Variants in ACAD11 observed in about 807,000 individuals in gnomAD.
ACAD11 encodes acyl-CoA dehydrogenase family member 11, also known as acyl-Coenzyme A dehydrogenase family, member 11.
Under a neutral mutation model 102.2 loss-of-function variants are expected in ACAD11, and 83 were observed. That is an observed-to-expected ratio of 0.81 (90% CI 0.68 to 0.97). ACAD11 has a LOEUF of 0.97. ACAD11 is among the 50% of genes least tolerant of loss of function. The pLI is 0.00. For missense variants in ACAD11, 901 were observed against 951.7 expected, an observed-to-expected ratio of 0.95 and a Z score of 0.70; for synonymous variants, 324 against 319.8, an observed-to-expected ratio of 1.01 and a Z score of -0.14.
intron 8 of ACAD11, 28 bp from the exon 9 acceptor site, chr3:132,626,845 G>A (rs755415328): frequency 1.9e-5 from 31 of 1,591,300 alleles, no homozygotes; most frequent in Non-Finnish European, 2.4e-5. Flanking sequence ...AGGAAAAAAA[G>A]GTTACAAAGA....
intron 9 of ACAD11, among the ~76,000 whole-genome samples, chr3:132,624,272 T>A (rs868767341): frequency 2.1e-5 from 3 of 144,858 alleles, no homozygotes; most frequent in African/African-American, 7.8e-5. Context: ...CATCACACAC[T>A]CTAGCTTGGA....
chr3:132,604,208 G>A (rs1049752631), intron 12 of ACAD11, among the ~76,000 whole-genome samples: 1 of 152,122 alleles, frequency 6.6e-6, no homozygotes, highest in Admixed American at 6.5e-5. Flanking sequence ...AAAAATTCCA[G>A]AAGTAAACAA....
intron 13 of ACAD11, chr3:132,601,210 G>C: frequency 6.2e-7 from 1 of 1,613,688 alleles, no homozygotes; most frequent in Middle Eastern, 1.7e-4. Flanking sequence ...TCTACTCCCT[G>C]ATCACCAGCT....
chr3:132,626,820 T>C lies in ACAD11; in HGVS notation c.1071-3A>G, dbSNP rs763765241. ...GTGGTAGTACAGTACTGAAAGTTCT[T>C]TGCCAAAAGAAAAAAGGAAAAAAAG... On this transcript the variant is annotated splice_polypyrimidine_tract_variant and splice_region_variant and intron_variant, in intron 8 of 19. Coordinates refer to ENST00000264990, the MANE Select transcript of ACAD11 (RefSeq NM_032169.5). 10 of 1,599,614 alleles carry C rather than the reference T, an allele frequency of 6.3e-6. No homozygotes were observed. The African/African-American group carries it at 1.2e-4, about 19-fold the overall frequency.
intron 11 of ACAD11, among the ~76,000 whole-genome samples, chr3:132,610,435 C>T (rs1939084409): frequency 6.6e-6 from 1 of 152,076 alleles, no homozygotes; most frequent in Admixed American, 6.6e-5. Flanking sequence ...AATCCAGGAG[C>T]TGGTTTTTTG....
intron 6 of ACAD11, among the ~76,000 whole-genome samples, chr3:132,631,076 A>C (rs1940020328): frequency 1.3e-5 from 2 of 152,160 alleles, no homozygotes; most frequent in African/African-American, 4.8e-5. Flanking sequence ...GCATCTAAAA[A>C]ACACCAACAT....
At chr3:132,596,604 A>G (rs1045132085) in intron 13 of ACAD11, among the ~76,000 whole-genome samples, 17 of 152,292 alleles carry the variant, frequency 1.1e-4, no homozygotes, top group African/African-American at 4.1e-4. Context: ...TCTTTCTCTA[A>G]CTTACTTGTG....
At chr3:132,630,836 C>T (rs904398204) in intron 6 of ACAD11, among the ~76,000 whole-genome samples, 18 of 152,178 alleles carry the variant, frequency 1.2e-4, no homozygotes, top group African/African-American at 9.6e-5. Context: ...TAGCACTTTG[C>T]GGGGGCCGAG....
At chr3:132,607,590 G>A (rs1001515384) in intron 11 of ACAD11, among the ~76,000 whole-genome samples, 3 of 152,050 alleles carry the variant, frequency 2.0e-5, no homozygotes, top group Non-Finnish European at 4.4e-5. Context: ...GAATGAAAAG[G>A]AATGAACAAA....
chr3:132,588,735 C>T (rs1238644396), intron 13 of ACAD11, among the ~76,000 whole-genome samples: 1 of 152,188 alleles, frequency 6.6e-6, no homozygotes, highest in Non-Finnish European at 1.5e-5. Flanking sequence ...ATCCCCCATT[C>T]ACATATTTCA....
intron 11 of ACAD11, among the ~76,000 whole-genome samples, chr3:132,611,513 C>T (rs573534057): frequency 6.6e-6 from 1 of 152,000 alleles, no homozygotes; most frequent in Non-Finnish European, 1.5e-5. Flanking sequence ...GCTGATAAGC[C>T]GCTTCAGCAA....
At chr3:132,645,021 G>A (rs1383135242) in intron 1 of ACAD11, 125 bp from the exon 2 acceptor site, 4 of 581,030 alleles carry the variant, frequency 6.9e-6, no homozygotes, top group Admixed American at 6.5e-5. Context: ...AAAATCAAGA[G>A]GGGTGCTATC....
intron 11 of ACAD11, among the ~76,000 whole-genome samples, chr3:132,611,616 C>CA (rs1644259274): frequency 6.6e-6 from 1 of 152,142 alleles, no homozygotes; most frequent in Admixed American, 6.5e-5. Flanking sequence ...AGTGAACTCC[C>CA]ATTCACAATT....
At chr3:132,642,607 T>C (rs1576617343) in intron 3 of ACAD11, 70 bp downstream of exon 3, 9 of 1,439,690 alleles carry the variant, frequency 6.3e-6, no homozygotes, top group Non-Finnish European at 7.6e-6. Context: ...TTAAGTATCA[T>C]AATAAAACAT....
chr3:132,570,579 G>T (rs894045524), intron 17 of ACAD11, among the ~76,000 whole-genome samples: 2 of 151,914 alleles, frequency 1.3e-5, no homozygotes, highest in Admixed American at 6.6e-5. Context: ...GTGCCATGGG[G>T]GTTTATTATA....
intron 7 of ACAD11, 134 bp downstream of exon 7, chr3:132,630,303 T>A: frequency 2.0e-6 from 2 of 986,460 alleles, no homozygotes; most frequent in Non-Finnish European, 2.8e-6. Context: ...ATATTTTACC[T>A]ATGTCTGATA....
chr3:132,611,671 T>A (rs946635333), intron 11 of ACAD11, among the ~76,000 whole-genome samples: 1 of 151,920 alleles, frequency 6.6e-6, no homozygotes, highest in Non-Finnish European at 1.5e-5. Context: ...TTACAAGGGA[T>A]GTGAAGGACC....
chr3:132,642,632 T>C (rs374039738), intron 3 of ACAD11, 45 bp downstream of exon 3: 3 of 1,534,992 alleles, frequency 2.0e-6, no homozygotes, highest in African/African-American at 1.4e-5. Flanking sequence ...ATTAACTTCA[T>C]AATTAAAAGT....
intron 12 of ACAD11, among the ~76,000 whole-genome samples, chr3:132,603,878 C>A (rs1938721833): frequency 6.6e-6 from 1 of 152,220 alleles, no homozygotes; most frequent in African/African-American, 2.4e-5. Flanking sequence ...TCAGAACTGT[C>A]TAGCTCTCAA....
Sources: gnomAD v4.1 joint callset for allele counts (sites outside exome capture counted in the v4.1 genomes callset) on GRCh38, gnomAD v4.1.1 for gene constraint, MANE v1.5 for transcripts, NCBI Gene and HGNC (gene_info 2026-07-23, HGNC 2026-07-21) for gene names.